METAP1: variants seen among roughly 807,000 people sequenced by gnomAD.
The protein encoded by METAP1 is methionyl aminopeptidase 1.
Under a neutral mutation model 53.8 loss-of-function variants are expected in METAP1, and 28 were observed. The ratio of observed to expected loss-of-function variants is 0.52; its 90% CI spans 0.39 to 0.71. The LOEUF (loss-of-function observed/expected upper bound fraction) is 0.71. METAP1 is among the 30% of genes least tolerant of loss of function. The pLI, the probability that METAP1 is intolerant of heterozygous loss-of-function variation, is 0.00. For missense variants in METAP1, 389 were observed against 479.8 expected, an observed-to-expected ratio of 0.81 and a Z score of 1.77; for synonymous variants, 181 against 165.7, an observed-to-expected ratio of 1.09 and a Z score of -0.71.
intron 1 of METAP1, among the ~76,000 whole-genome samples, chr4:99,012,276 T>G (rs1459369845): frequency 1.3e-5 from 2 of 150,940 alleles, no homozygotes; most frequent in Admixed American, 6.6e-5. Flanking sequence ...TGAGTTTTTT[T>G]TTTTTTTTTT....
intron 1 of METAP1, among the ~76,000 whole-genome samples, chr4:99,010,901 T>C (rs2110286387): frequency 6.6e-6 from 1 of 152,326 alleles, no homozygotes; most frequent in African/African-American, 2.4e-5. Context: ...GGTTTATTTC[T>C]AGGTATTTTA....
At chr4:99,019,262 A>AT (rs1192834236) in intron 1 of METAP1, among the ~76,000 whole-genome samples, 8 of 152,300 alleles carry the variant, frequency 5.3e-5, no homozygotes, top group Admixed American at 2.6e-4. Context: ...GAGGAATGTT[A>AT]TTAGTTAATG....
intron 1 of METAP1, among the ~76,000 whole-genome samples, chr4:99,004,795 G>GT (rs1723104123): frequency 2.0e-5 from 3 of 151,710 alleles, no homozygotes; most frequent in African/African-American, 2.4e-5. Flanking sequence ...TACAACATGC[G>GT]TTTTTTTGTT....
rs550432395 is a variant in METAP1, at chr4:99,001,717, G to A, written c.114+5850G>A. ...GTTTACTCTTCAATAAATATTCCTC[G>A]AAAATTTAAATCATTTTGACTTACT... On this transcript the variant is annotated intron_variant, in intron 1 of 10. Transcript: ENST00000296411. Among the ~76,000 whole-genome samples the A allele has an allele frequency of 1.1e-4, 17 of 151,876 alleles. No individual in the cohort carries two copies. In the East Asian group the frequency reaches 2.7e-3, roughly 24 times the overall value.
At chr4:99,054,169 A>C (rs985976389) in intron 9 of METAP1, among the ~76,000 whole-genome samples, 49 of 152,130 alleles carry the variant, frequency 3.2e-4, no homozygotes, top group African/African-American at 1.2e-3. Flanking sequence ...ATTTTCTTCC[A>C]TTAGAAGGCT....
chr4:99,057,803 C>A lies in METAP1; in HGVS notation c.982C>A (p.Pro328Thr). 6.3e-7 allele frequency: 1 copy of A among 1,595,460 alleles called. No individual in the cohort carries two copies. The highest frequency in any genetic ancestry group is 1.7e-5 in the Admixed American group (1 of 57,528). The change falls in exon 10 of 11, where the codon CCA becomes ACA. Residue 328 changes from proline to threonine, a missense_variant. Pro to Thr is a conservative substitution (Grantham distance 38). Coordinates refer to ENST00000296411, the MANE Select transcript of METAP1 (RefSeq NM_015143.3). Reference protein sequence around the residue: ...MKSGHVFTIEPMICEGGWQDE... With the variant: ...MKSGHVFTIETMICEGGWQDE... ...GTCGGGCCATGTATTTACAATTGAG[C>A]CAATGATTTGTGAAGGTGAGAAAAA...
In METAP1 at chr4:99,039,406, A is replaced by G; in HGVS notation, c.373A>G (p.Thr125Ala). 1.9e-6 allele frequency: 3 copies of G among 1,611,666 alleles called. No homozygotes were observed. Among genetic ancestry groups the G allele is most frequent in the Non-Finnish European group, 2.5e-6 (3 of 1,178,320 alleles). The change falls in exon 5 of 11, where the codon ACT becomes GCT. Residue 125 changes from threonine to alanine, a missense_variant. Coordinates refer to ENST00000296411, the MANE Select transcript of METAP1 (RefSeq NM_015143.3). ...TGAATCTGAACAGGCTCTTAAAGGTACTTCTCAGATTAAATTACTCTCATC... is the reference window on the plus strand; with the variant it reads ...TGAATCTGAACAGGCTCTTAAAGGTGCTTCTCAGATTAAATTACTCTCATC... ...MSESEQALKG[T>A]SQIKLLSSED... is the part of the protein sequence containing the mutation.
intron 3 of METAP1, 117 bp downstream of exon 3, chr4:99,034,459 C>T (rs1017573950): frequency 1.4e-5 from 9 of 661,550 alleles, no homozygotes; most frequent in African/African-American, 9.2e-5. Flanking sequence ...CAAAGGAACT[C>T]GAATTTTAGC....
intron 1 of METAP1, among the ~76,000 whole-genome samples, chr4:99,027,980 T>A (rs1724700576): frequency 6.6e-6 from 1 of 152,178 alleles, no homozygotes; most frequent in African/African-American, 2.4e-5. Context: ...CGTGCTTTTT[T>A]TTTCCTTAAC....
At chr4:99,051,295 G>A (rs1383584317) in intron 9 of METAP1, among the ~76,000 whole-genome samples, 6 of 152,188 alleles carry the variant, frequency 3.9e-5, no homozygotes, top group Admixed American at 2.6e-4. Flanking sequence ...TGTTGCCACT[G>A]TTATACAAAA....
At chr4:99,020,988 A>G (rs916165847) in intron 1 of METAP1, among the ~76,000 whole-genome samples, 28 of 152,190 alleles carry the variant, frequency 1.8e-4, no homozygotes, top group African/African-American at 6.7e-4. Flanking sequence ...AGTATTCCCC[A>G]TGTTGGGTGA....
chr4:99,022,872 T>C lies in METAP1; in HGVS notation c.115-5995T>C. ...CCCTCCCACGGCTGCTGCTGCCTTC[T>C]TTTTGCATCTCACAAACCAGTCCTC... On this transcript the variant is annotated intron_variant, in intron 1 of 10. Coordinates refer to ENST00000296411, the MANE Select transcript of METAP1 (RefSeq NM_015143.3). 5 of 1,534,990 alleles carry C rather than the reference T, an allele frequency of 3.3e-6. No homozygotes were observed. The South Asian group carries it at 4.7e-5, about 15-fold the overall frequency.
chr4:99,044,207 C>T (rs902949089), intron 7 of METAP1, among the ~76,000 whole-genome samples: 1 of 152,126 alleles, frequency 6.6e-6, no homozygotes, highest in East Asian at 1.9e-4. Context: ...GGATTACAGG[C>T]ATGAGCCACC....
Position 99,022,749 on chromosome 4 carries a change from G to T in METAP1, c.115-6118G>T, listed in dbSNP as rs372626239. ...GGGCTGCACCTGTGGGTACCCATAG[G>T]CGTGTTGTGTAGACTGGCCGCCACA... On this transcript the variant is annotated intron_variant, in intron 1 of 10. Transcript: ENST00000296411. 10 of 1,600,634 alleles carry T rather than the reference G, an allele frequency of 6.2e-6. No homozygotes were observed. The East Asian group carries it at 6.7e-5, about 11-fold the overall frequency.
chr4:99,054,819 G>A (rs1467705211), intron 9 of METAP1, among the ~76,000 whole-genome samples: 1 of 152,160 alleles, frequency 6.6e-6, no homozygotes, highest in Non-Finnish European at 1.5e-5. Context: ...GAGAAGTGGG[G>A]CAGGCTGATG....
intron 6 of METAP1, among the ~76,000 whole-genome samples, chr4:99,042,744 A>G (rs1370468174): frequency 6.6e-6 from 1 of 152,074 alleles, no homozygotes; most frequent in Non-Finnish European, 1.5e-5. Flanking sequence ...TAAAATCTTC[A>G]TATGTGGTAA....
At chr4:99,012,269 G>GTTTTTTTTTTTTTTTT (rs34482996) in intron 1 of METAP1, among the ~76,000 whole-genome samples, 1 of 106,718 alleles carries the variant, frequency 9.4e-6, no homozygotes, top group Non-Finnish European at 1.9e-5. Flanking sequence ...GTTAATGTGA[G>GTTTTTTTTTTTTTTTT]TTTTTTTTTT....
chr4:99,042,853 T>C (rs1246208442), intron 6 of METAP1, among the ~76,000 whole-genome samples: 4 of 152,150 alleles, frequency 2.6e-5, no homozygotes, highest in African/African-American at 9.7e-5. Context: ...GATTTTGGAA[T>C]ATTTGTATTA....
chr4:99,053,519 C>T (rs1286879567), intron 9 of METAP1, among the ~76,000 whole-genome samples: 2 of 152,226 alleles, frequency 1.3e-5, no homozygotes, highest in Non-Finnish European at 2.9e-5. Context: ...TCCCAGAGTG[C>T]TGGGATTACA....
Sources: gnomAD v4.1 joint callset for allele counts (sites outside exome capture counted in the v4.1 genomes callset) on GRCh38, gnomAD v4.1.1 for gene constraint, MANE v1.5 for transcripts, NCBI Gene and HGNC (gene_info 2026-07-23, HGNC 2026-07-21) for gene names.